The following FER variants were observed in gnomAD, a reference collection of about 807,000 sequenced individuals.
FER encodes tyrosine-protein kinase Fer.
In FER, 63 loss-of-function variants were observed where a neutral mutation model predicts 111.0. The ratio of observed to expected loss-of-function variants is 0.57; its 90% CI spans 0.46 to 0.70. The LOEUF is 0.70. Ranked by LOEUF, FER falls within the 30% of genes least tolerant of loss-of-function variation. The probability of loss-of-function intolerance (pLI) is 0.00; values close to 1 mark genes in which losing one functional copy is unlikely to be tolerated. For synonymous variants in FER, 327 were observed against 313.9 expected, an observed-to-expected ratio of 1.04 and a Z score of -0.44; for missense variants, 914 against 954.0, an observed-to-expected ratio of 0.96 and a Z score of 0.55.
At chr5:108,924,489 C>A in intron 10 of FER, 1 of 714,300 alleles carries the variant, frequency 1.4e-6, no homozygotes, top group Non-Finnish European at 1.9e-6. Flanking sequence ...GTATCTGTTC[C>A]TTTAATCCAG....
At chr5:108,858,840 CTTTAT>C (rs1408877604) in intron 5 of FER, among the ~76,000 whole-genome samples, 49 of 147,070 alleles carry the variant, frequency 3.3e-4, no homozygotes, top group Admixed American at 1.6e-3. Context: ...CTGCATGCCA[CTTTAT>C]TTTAAGATTA....
chr5:108,948,472 G>T (rs1465982212), intron 11 of FER, among the ~76,000 whole-genome samples: 3 of 152,068 alleles, frequency 2.0e-5, no homozygotes, highest in African/African-American at 7.2e-5. Flanking sequence ...TAGTATCTCA[G>T]ATTACTGAGG....
rs569580453 is a variant in FER at position 109,051,736 on chromosome 5, C to A, written c.1924+4538C>A. 44 of 1,570,934 alleles carry A rather than the reference C, an allele frequency of 2.8e-5. No homozygotes were observed. The African/African-American group carries it at 5.8e-4, about 21-fold the overall frequency. On this transcript the variant is annotated intron_variant, in intron 16 of 19. Transcript: ENST00000281092. ...GGTCGCATGGTAAGGGTCGCTCTTTCCCTTAACCCAATCCTTAACGCCCTT... is the reference window on the plus strand; with the variant it reads ...GGTCGCATGGTAAGGGTCGCTCTTTACCTTAACCCAATCCTTAACGCCCTT...
intron 13 of FER, among the ~76,000 whole-genome samples, chr5:109,011,070 A>C (rs1349595305): frequency 6.6e-6 from 1 of 152,180 alleles, no homozygotes; most frequent in East Asian, 1.9e-4. Context: ...TGCATATCTA[A>C]TGTCCAAATA....
intron 3 of FER, among the ~76,000 whole-genome samples, chr5:108,821,093 T>C (rs1464658897): frequency 1.3e-5 from 2 of 152,140 alleles, no homozygotes; most frequent in African/African-American, 2.4e-5. Flanking sequence ...GCCTGGGTGA[T>C]AGAGTGAGAC....
intron 16 of FER, among the ~76,000 whole-genome samples, chr5:109,058,327 C>T (rs1773901899): frequency 1.3e-5 from 2 of 152,080 alleles, no homozygotes; most frequent in African/African-American, 4.8e-5. Context: ...GCACTCACAA[C>T]TTCTCTTATT....
At chr5:108,924,059 A>T (rs1186967542) in intron 10 of FER, among the ~76,000 whole-genome samples, 1 of 144,870 alleles carries the variant, frequency 6.9e-6, no homozygotes, top group Admixed American at 6.8e-5. Context: ...TATTTATCTA[A>T]TTTAAAAAAT....
intron 16 of FER, among the ~76,000 whole-genome samples, chr5:109,083,654 T>G (rs963651766): frequency 6.6e-6 from 1 of 152,046 alleles, no homozygotes; most frequent in Non-Finnish European, 1.5e-5. Flanking sequence ...CTGCACATCT[T>G]ACTGGGTATA....
In FER at chr5:109,052,489, A is replaced by T. The variant is rs2228973; in HGVS notation, c.1924+5291A>T. 2.8e-5 allele frequency: 27 copies of T among 970,170 alleles called. No homozygotes were observed. The South Asian group carries it at 3.6e-4, about 13-fold the overall frequency. The allele number at this position is 970,170 out of a possible 1,614,324, so 60.1% of individuals were successfully genotyped here. On this transcript the variant is annotated intron_variant, in intron 16 of 19. Coordinates refer to ENST00000281092, the MANE Select transcript of FER (RefSeq NM_005246.4). ...TGGGCACCACTCTTTTGCTTAAAAG[A>T]AGTGAAGTCACGCCAGGTGATTGAA...
chr5:108,749,914 C>G (rs986128597), intron 1 of FER, among the ~76,000 whole-genome samples: 7 of 152,146 alleles, frequency 4.6e-5, no homozygotes, highest in African/African-American at 1.7e-4. Flanking sequence ...GCACTTTGTA[C>G]GTTTGCGATT....
intron 13 of FER, among the ~76,000 whole-genome samples, chr5:109,021,026 T>C (rs982612027): frequency 1.3e-5 from 2 of 152,030 alleles, no homozygotes; most frequent in African/African-American, 4.8e-5. Context: ...AAATTCAAGT[T>C]ATTTTAAGTG....
At position 109,188,918 on chromosome 5, in the gene FER, T is replaced by G. The variant is rs1422805957; in HGVS notation, c.*1343T>G. 1 of 148,636 alleles carries G rather than the reference T, an allele frequency of 6.7e-6. No individual in the cohort carries two copies. The highest frequency in any genetic ancestry group is 1.5e-5 in the Non-Finnish European group (1 of 66,638). The allele number at this position is 148,636 out of a possible 1,614,324, so 9.2% of individuals were successfully genotyped here. On this transcript the variant is annotated 3_prime_UTR_variant, in exon 20 of 20. Coordinates refer to ENST00000281092, the MANE Select transcript of FER (RefSeq NM_005246.4). ...ACACATTCACGTGTGTACATGCGCG[T>G]GCACACACACCACCAAGGTGCAAGA...
chr5:109,126,728 G>A (rs1480643374), intron 17 of FER, among the ~76,000 whole-genome samples: 2 of 152,116 alleles, frequency 1.3e-5, no homozygotes, highest in East Asian at 3.8e-4. Context: ...TTGTCATTAT[G>A]TAACTCATCT....
chr5:108,935,986 G>C (rs1755411321), intron 10 of FER, among the ~76,000 whole-genome samples: 1 of 151,932 alleles, frequency 6.6e-6, no homozygotes, highest in South Asian at 2.1e-4. Context: ...GGAAATATGA[G>C]GTCTGTGTCT....
intron 13 of FER, among the ~76,000 whole-genome samples, chr5:109,028,345 A>T (rs1561795348): frequency 6.6e-6 from 1 of 152,130 alleles, no homozygotes; most frequent in Non-Finnish European, 1.5e-5. Context: ...TATGTAAATC[A>T]TAAGTTAAAA....
intron 5 of FER, among the ~76,000 whole-genome samples, chr5:108,856,482 A>G (rs913143175): frequency 6.6e-6 from 1 of 152,210 alleles, no homozygotes; most frequent in African/African-American, 2.4e-5. Context: ...GTATCATAGT[A>G]CATATTAGGA....
intron 17 of FER, among the ~76,000 whole-genome samples, chr5:109,178,518 C>T (rs1469155445): frequency 6.6e-6 from 1 of 152,202 alleles, no homozygotes; most frequent in East Asian, 1.9e-4. Flanking sequence ...TGACTGAAAA[C>T]TCATTCCGAC....
At chr5:109,018,696 A>T (rs1194950843) in intron 13 of FER, among the ~76,000 whole-genome samples, 2 of 151,846 alleles carry the variant, frequency 1.3e-5, no homozygotes, top group Non-Finnish European at 2.9e-5. Flanking sequence ...AGTGGCATAT[A>T]AAAACCATTT....
At chr5:108,924,873 G>A (rs532438826) in intron 10 of FER, 17 of 1,048,508 alleles carry the variant, frequency 1.6e-5, no homozygotes, top group Admixed American at 8.5e-5. Flanking sequence ...TATTTTATGC[G>A]GCTGCTTCAA....
Sources: allele counts gnomAD v4.1 joint callset (sites outside exome capture counted in the v4.1 genomes callset), GRCh38; gene constraint gnomAD v4.1.1; transcripts MANE v1.5; gene names NCBI Gene and HGNC (gene_info 2026-07-23, HGNC 2026-07-21).